MAGI1: variants seen among roughly 807,000 people sequenced by gnomAD.
MAGI1 encodes membrane associated guanylate kinase, WW and PDZ domain containing 1.
Under a neutral mutation model 139.9 loss-of-function variants are expected in MAGI1, and 58 were observed. The observed-to-expected ratio is 0.41, with a 90% CI of 0.34 to 0.52. The LOEUF (loss-of-function observed/expected upper bound fraction) is 0.52. Ranked by LOEUF, MAGI1 falls within the 20% of genes least tolerant of loss-of-function variation. The pLI is 0.12. For synonymous variants in MAGI1, 812 were observed against 737.9 expected (o/e 1.10, Z -1.63); for missense variants, 1,874 against 1,901.6 (o/e 0.99, Z 0.27).
intron 13 of MAGI1, among the ~76,000 whole-genome samples, chr3:65,398,015 C>CTT (rs983363854): frequency 1.4e-5 from 2 of 146,032 alleles, no homozygotes; most frequent in Non-Finnish European, 3.0e-5. Context: ...GGCAATTAAT[C>CTT]TTTTTTTTTT....
chr3:65,393,119 G>T lies in MAGI1; in HGVS notation c.2200-1761C>A, dbSNP rs138311506. Among the ~76,000 whole-genome samples, 223 of 152,294 alleles carry T rather than the reference G, an allele frequency of 1.5e-3. 1 individual carries two copies. The highest frequency in any genetic ancestry group is 1.9e-3 in the Non-Finnish European group (130 of 68,026). ...GCTCAGATTTGGTTGCCATTCCAGA[G>T]TTGATAGAACCTGGCTCTGCCAACT... is the stretch of plus-strand genomic sequence containing the variant. On this transcript the variant is annotated intron_variant, in intron 13 of 22. Coordinates refer to ENST00000402939, the MANE Select transcript of MAGI1 (RefSeq NM_001033057.2).
chr3:65,387,299 TG>T, intron 14 of MAGI1: 1 of 1,148,242 alleles, frequency 8.7e-7, no homozygotes. Context: ...AATTTAGTTT[TG>T]ATTGATAAGG....
chr3:65,672,631 G>A (rs1336129520), intron 1 of MAGI1, among the ~76,000 whole-genome samples: 3 of 152,284 alleles, frequency 2.0e-5, no homozygotes, highest in Non-Finnish European at 1.5e-5. Context: ...AAGGCACGGA[G>A]AAGAAGGAGA....
At chr3:65,486,843 G>A (rs566080183) in intron 3 of MAGI1, among the ~76,000 whole-genome samples, 52 of 152,182 alleles carry the variant, frequency 3.4e-4, no homozygotes, top group East Asian at 3.9e-4. Flanking sequence ...GTCCCTGCCC[G>A]GCAAACCTAC....
chr3:65,519,319 A>G (rs2078041672), intron 2 of MAGI1, among the ~76,000 whole-genome samples: 1 of 150,828 alleles, frequency 6.6e-6, no homozygotes, highest in Non-Finnish European at 1.5e-5. Context: ...TTTTCATCAC[A>G]GGAGTATCAT....
chr3:65,638,596 G>GA lies in MAGI1; in HGVS notation c.314-16509dup, dbSNP rs1165355504. Reference sequence around the variant, plus strand: ...CAGGAGTGCGCCACCATGCTCTCCTGATTTTTTTTTTTTTTTTTTTTTTTT... The same window carrying GA: ...CAGGAGTGCGCCACCATGCTCTCCTGAATTTTTTTTTTTTTTTTTTTTTTTT... On this transcript the variant is annotated intron_variant, in intron 1 of 22. Coordinates refer to ENST00000402939, the MANE Select transcript of MAGI1 (RefSeq NM_001033057.2). Among the ~76,000 whole-genome samples, 72 of 69,204 alleles carry GA rather than the reference G, an allele frequency of 1.0e-3. 3 individuals are homozygous for GA. The East Asian group carries it at 0.024, about 23-fold the overall frequency. 45.4% of individuals were successfully genotyped at this position (69,204 alleles called of 152,430 possible).
At chr3:65,796,579 C>T (rs2040164731) in intron 1 of MAGI1, among the ~76,000 whole-genome samples, 1 of 152,052 alleles carries the variant, frequency 6.6e-6, no homozygotes, top group Admixed American at 6.6e-5. Context: ...CTATGTGGGG[C>T]AAGTTAGCTA....
At chr3:65,762,550 A>G (rs992831340) in intron 1 of MAGI1, among the ~76,000 whole-genome samples, 5 of 152,170 alleles carry the variant, frequency 3.3e-5, no homozygotes, top group Non-Finnish European at 7.4e-5. Context: ...TGAACTACTC[A>G]TTGTTCATTT....
chr3:65,725,437 G>A (rs1280485778), intron 1 of MAGI1, among the ~76,000 whole-genome samples: 1 of 152,078 alleles, frequency 6.6e-6, no homozygotes, highest in African/African-American at 2.4e-5. Flanking sequence ...CCCCCCACAG[G>A]GTATCACAGA....
At chr3:65,360,438 A>G in intron 22 of MAGI1, 1 of 982,976 alleles carries the variant, frequency 1.0e-6, no homozygotes, top group Non-Finnish European at 1.2e-6. Flanking sequence ...CCATCAGAAC[A>G]CTAAGCTATG....
At chr3:65,828,300 G>A (rs184566387) in intron 1 of MAGI1, among the ~76,000 whole-genome samples, 1 of 152,276 alleles carries the variant, frequency 6.6e-6, no homozygotes. Context: ...AACATCACAG[G>A]CTAACTGTGG....
At chr3:65,884,607 T>C (rs2060461487) in intron 1 of MAGI1, among the ~76,000 whole-genome samples, 1 of 152,208 alleles carries the variant, frequency 6.6e-6, no homozygotes, top group African/African-American at 2.4e-5. Flanking sequence ...TTTTCTTTTT[T>C]TTTAAGATTC....
intron 2 of MAGI1, among the ~76,000 whole-genome samples, chr3:65,602,355 A>G (rs879630692): frequency 1.3e-5 from 2 of 152,216 alleles, no homozygotes; most frequent in Non-Finnish European, 2.9e-5. Flanking sequence ...ATATGAGAGG[A>G]TACTATTGGG....
chr3:65,985,690 A>T (rs925840029), intron 1 of MAGI1, among the ~76,000 whole-genome samples: 2 of 152,196 alleles, frequency 1.3e-5, no homozygotes, highest in African/African-American at 4.8e-5. Flanking sequence ...GTTTGGAGGA[A>T]ATGTCATATT....
chr3:65,356,318 G>T lies in MAGI1; in HGVS notation c.*60C>A. On this transcript the variant is annotated 3_prime_UTR_variant, in exon 23 of 23. Coordinates refer to ENST00000402939, the MANE Select transcript of MAGI1 (RefSeq NM_001033057.2). ...TAGGTAAGAAACTAAATAATTTCAGGTTTGTGACTTTCCTCTTAGAACCTT... is the reference window on the plus strand; with the variant it reads ...TAGGTAAGAAACTAAATAATTTCAGTTTTGTGACTTTCCTCTTAGAACCTT... The T allele has an allele frequency of 6.8e-7, 1 of 1,479,264 alleles. No homozygotes were observed. The allele number at this position is 1,479,264 out of a possible 1,614,324, so 91.6% of individuals were successfully genotyped here. A position where few individuals can be genotyped will look rare whatever the true frequency, so the allele number is the denominator to read the frequency against.
intron 1 of MAGI1, among the ~76,000 whole-genome samples, chr3:65,664,564 T>G (rs2107414959): frequency 6.6e-6 from 1 of 152,318 alleles, no homozygotes; most frequent in South Asian, 2.1e-4. Context: ...CTCATTCCAG[T>G]TTCTGTGGAG....
intron 1 of MAGI1, among the ~76,000 whole-genome samples, chr3:65,773,390 A>C (rs1427612845): frequency 6.6e-6 from 1 of 152,018 alleles, no homozygotes; most frequent in East Asian, 1.9e-4. Context: ...AAAATTAGTC[A>C]GGCATGGCAG....
At chr3:65,751,169 T>C (rs1410871966) in intron 1 of MAGI1, among the ~76,000 whole-genome samples, 1 of 152,210 alleles carries the variant, frequency 6.6e-6, no homozygotes, top group Admixed American at 6.5e-5. Flanking sequence ...CTAAAACTAG[T>C]CCTGCATTCA....
At position 65,376,098 on chromosome 3, in the gene MAGI1, C is replaced by G. The variant is rs1354189138; in HGVS notation, c.2996-153G>C. 1.4e-5 allele frequency: 9 copies of G among 622,170 alleles called. No individual in the cohort carries two copies. In the East Asian group the frequency reaches 2.5e-4, roughly 17 times the overall value. The allele number at this position is 622,170 out of a possible 1,614,324, so 38.5% of individuals were successfully genotyped here. A position where few individuals can be genotyped will look rare whatever the true frequency, so the allele number is the denominator to read the frequency against. On this transcript the variant is annotated intron_variant, in intron 17 of 22. Coordinates refer to ENST00000402939, the MANE Select transcript of MAGI1 (RefSeq NM_001033057.2). Reference sequence around the variant, plus strand: ...TAAAGGAGAGCTCTGCACCGATGGTCAAAACATTGGCAATACTCAGGGTGT... The same window carrying G: ...TAAAGGAGAGCTCTGCACCGATGGTGAAAACATTGGCAATACTCAGGGTGT...
Sources: allele counts gnomAD v4.1 joint callset (sites outside exome capture counted in the v4.1 genomes callset), GRCh38; gene constraint gnomAD v4.1.1; transcripts MANE v1.5; gene names NCBI Gene and HGNC (gene_info 2026-07-23, HGNC 2026-07-21).